The following KIF26B variants were observed in gnomAD, a reference collection of about 807,000 sequenced individuals.
KIF26B encodes the protein kinesin family member 26B.
In KIF26B, 63 loss-of-function variants were observed where a neutral mutation model predicts 151.2. The ratio of observed to expected loss-of-function variants is 0.42; its 90% CI spans 0.34 to 0.51. The LOEUF (loss-of-function observed/expected upper bound fraction) is 0.51, where lower values mean the gene tolerates loss of function less well. Ranked by LOEUF, KIF26B falls within the 20% of genes least tolerant of loss-of-function variation. The pLI, the probability that KIF26B is intolerant of heterozygous loss-of-function variation, is 0.07. For synonymous variants in KIF26B, 1,357 were observed against 1,262.1 expected, an observed-to-expected ratio of 1.08 and a Z score of -1.59; for missense variants, 2,813 against 2,913.6, an observed-to-expected ratio of 0.97 and a Z score of 0.79.
At chr1:245,465,025 C>T (rs1659750145) in intron 4 of KIF26B, among the ~76,000 whole-genome samples, 1 of 138,918 alleles carries the variant, frequency 7.2e-6, no homozygotes, top group South Asian at 2.3e-4. Context: ...GTCGCCCAGG[C>T]TGGAGTGCAG....
At chr1:245,426,857 C>T (rs1773781) in intron 4 of KIF26B, among the ~76,000 whole-genome samples, 32,972 of 152,140 alleles carry the variant, frequency 0.22, 3,740 homozygotes, top group African/African-American at 0.23. Flanking sequence ...GCCGCACTCT[C>T]GCTGAGAAGC....
chr1:245,188,963 ATGT>A (rs1558338813), intron 2 of KIF26B, among the ~76,000 whole-genome samples: 1 of 152,256 alleles, frequency 6.6e-6, no homozygotes, highest in Non-Finnish European at 1.5e-5. Context: ...CAAAGGACAA[ATGT>A]TGTATGGCTT....
rs558154306 is a variant in KIF26B, at chr1:245,199,616, T to A, written c.465+42933T>A. Among the ~76,000 whole-genome samples, 3 of 152,066 alleles carry A rather than the reference T, an allele frequency of 2.0e-5. No individual in the cohort carries two copies. The South Asian group carries it at 6.2e-4, about 32-fold the overall frequency. On this transcript the variant is annotated intron_variant, in intron 2 of 14. Transcript: ENST00000407071. ...GCCTCAGCCTCCCAAGCAGCTGTGA[T>A]TACAGGCATGCGCCACCATGCCCGG...
At chr1:245,383,349 T>C (rs1040476100) in intron 3 of KIF26B, among the ~76,000 whole-genome samples, 4 of 152,110 alleles carry the variant, frequency 2.6e-5, no homozygotes, top group African/African-American at 9.7e-5. Context: ...GGTATCCGTG[T>C]GTTTTTAGCA....
In KIF26B at chr1:245,244,760, A is replaced by ACT. The variant is rs1421423543; in HGVS notation, c.465+88078_465+88079insTC. ...GGAACACACAGACACGCACACTCAC[A>ACT]CACACACACACACACACACACACAC... is the stretch of plus-strand genomic sequence containing the variant. On this transcript the variant is annotated intron_variant, in intron 2 of 14. Transcript: ENST00000407071. This position sits in a 1 kb window ranked among gnomAD's most constrained non-coding sequence, Gnocchi z 4.2. Among the ~76,000 whole-genome samples, 1 of 139,258 alleles carries ACT rather than the reference A, an allele frequency of 7.2e-6. No individual in the cohort carries two copies. Among genetic ancestry groups the ACT allele is most frequent in the Non-Finnish European group, 1.5e-5 (1 of 67,166 alleles). The allele number at this position is 139,258 out of a possible 152,430, so 91.4% of individuals were successfully genotyped here.
chr1:245,231,145 A>G (rs1320417424), intron 2 of KIF26B, among the ~76,000 whole-genome samples: 1 of 152,210 alleles, frequency 6.6e-6, no homozygotes, highest in Non-Finnish European at 1.5e-5. Context: ...AAAGTGATAT[A>G]TAAGCTAGGC....
chr1:245,682,986 G>T (rs1283856771), intron 10 of KIF26B, among the ~76,000 whole-genome samples: 1 of 152,138 alleles, frequency 6.6e-6, no homozygotes, highest in African/African-American at 2.4e-5. Flanking sequence ...GGGAAGCCCT[G>T]GTATATTCTT....
intron 2 of KIF26B, among the ~76,000 whole-genome samples, chr1:245,202,230 A>G (rs1016820483): frequency 6.6e-6 from 1 of 151,952 alleles, no homozygotes; most frequent in African/African-American, 2.4e-5. Context: ...ATCTCTCGCA[A>G]CGTTACTCAC....
chr1:245,290,552 T>C (rs1671238663), intron 2 of KIF26B, among the ~76,000 whole-genome samples: 1 of 152,196 alleles, frequency 6.6e-6, no homozygotes, highest in Non-Finnish European at 1.5e-5. Flanking sequence ...TTGTAAACTG[T>C]CATGGTGCTG....
intron 9 of KIF26B, among the ~76,000 whole-genome samples, chr1:245,623,026 G>GTTTT (rs56666383): frequency 1.8e-5 from 2 of 111,854 alleles, no homozygotes; most frequent in Non-Finnish European, 1.8e-5. Flanking sequence ...TCGTGAGCAA[G>GTTTT]TTTTTTTTTT....
intron 4 of KIF26B, among the ~76,000 whole-genome samples, chr1:245,443,744 C>A (rs1407754203): frequency 1.5e-4 from 17 of 114,572 alleles, no homozygotes; most frequent in Admixed American, 1.4e-3. Flanking sequence ...CCTCACTGTT[C>A]ATCTAGAGGA....
At chr1:245,507,256 TC>T (rs1422461932) in intron 4 of KIF26B, among the ~76,000 whole-genome samples, 3 of 152,140 alleles carry the variant, frequency 2.0e-5, no homozygotes, top group Non-Finnish European at 4.4e-5. Flanking sequence ...GAACCTGGCT[TC>T]CCTGGAAGCC....
At chr1:245,462,562 G>A (rs1229797893) in intron 4 of KIF26B, among the ~76,000 whole-genome samples, 1 of 152,168 alleles carries the variant, frequency 6.6e-6, no homozygotes, top group Admixed American at 6.5e-5. Flanking sequence ...CACAGCAATG[G>A]ATTCCTTTAG....
At position 245,599,715 on chromosome 1, in the gene KIF26B, G is replaced by A. The variant is rs139585252; in HGVS notation, c.1351-2862G>A. ...TTACAGAAAGCCTGAAGGTCCCAGG[G>A]ACCTTCCCAAAGTTGCGACTTGAAT... On this transcript the variant is annotated intron_variant, in intron 5 of 14. Transcript: ENST00000407071. Among the ~76,000 whole-genome samples, 797 of 152,292 alleles carry A rather than the reference G, an allele frequency of 5.2e-3. 6 individuals carry two copies. Among genetic ancestry groups the A allele is most frequent in the Middle Eastern group, 0.017 (5 of 294 alleles).
intron 2 of KIF26B, among the ~76,000 whole-genome samples, chr1:245,199,038 T>A (rs1417046648): frequency 1.8e-5 from 2 of 111,710 alleles, no homozygotes; most frequent in Non-Finnish European, 3.8e-5. Flanking sequence ...TCAGGGCATC[T>A]AAGTTCACTT....
rs1329941604 is a variant in KIF26B at position 245,227,815 on chromosome 1, A to C, written c.465+71132A>C. 1.3e-5 allele frequency among the ~76,000 whole-genome samples: 2 copies of C among 152,160 alleles called. No homozygotes were observed. Among genetic ancestry groups the C allele is most frequent in the South Asian group, 4.1e-4 (2 of 4,832 alleles). On this transcript the variant is annotated intron_variant, in intron 2 of 14. Transcript: ENST00000407071. This position sits in a 1 kb window ranked among gnomAD's most constrained non-coding sequence, Gnocchi z 4.1. ...CAGGAGTTTGAGACCAGCCTGGCCAACATGGTGGAACCCCATCTCTACTAA... is the reference window on the plus strand; with the variant it reads ...CAGGAGTTTGAGACCAGCCTGGCCACCATGGTGGAACCCCATCTCTACTAA...
rs77556704 is a variant in KIF26B at position 245,300,079 on chromosome 1, G to A, written c.466-66755G>A. On this transcript the variant is annotated intron_variant, in intron 2 of 14. Coordinates refer to ENST00000407071, the MANE Select transcript of KIF26B (RefSeq NM_018012.4). ...CGTTTTGGTGAAAACACAGTGTCCT[G>A]CTGCCTAGCTGAAATCCTGGTATGG... Among the ~76,000 whole-genome samples the A allele has an allele frequency of 3.6e-3, 543 of 152,320 alleles. 1 individual carries two copies. The highest frequency in any genetic ancestry group is 0.012 in the African/African-American group (514 of 41,568).
At chr1:245,660,977 C>A (rs2044129896) in intron 10 of KIF26B, among the ~76,000 whole-genome samples, 1 of 142,448 alleles carries the variant, frequency 7.0e-6, no homozygotes, top group Non-Finnish European at 1.5e-5. Context: ...CCATCCCTGG[C>A]TTTTCTTTTT....
chr1:245,688,097 G>T lies in KIF26B; in HGVS notation c.5114G>T (p.Arg1705Leu). Residue 1705 changes from arginine (R) to leucine (L), a missense_variant, in exon 12 of 15, where the codon CGC becomes CTC. Transcript: ENST00000407071. Reference protein sequence around the residue: ...LHAGKDGTMPRAGRSLGRSAG... With the variant: ...LHAGKDGTMPLAGRSLGRSAG... ...GCGGGCAAGGACGGCACCATGCCCC[G>T]CGCGGGGAGGAGCCTGGGCCGCAGC... is the stretch of plus-strand genomic sequence containing the variant. 4 of 1,554,184 alleles carry T rather than the reference G, an allele frequency of 2.6e-6. No individual in the cohort carries two copies. The highest frequency in any genetic ancestry group is 1.2e-5 in the South Asian group (1 of 84,632).
Sources: gnomAD v4.1 joint callset for allele counts (sites outside exome capture counted in the v4.1 genomes callset) on GRCh38, gnomAD v4.1.1 for gene constraint, Gnocchi (gnomAD v3.1) non-coding constraint, MANE v1.5 for transcripts, NCBI Gene and HGNC (gene_info 2026-07-23, HGNC 2026-07-21) for gene names.